Variants in PRMT8 observed in about 807,000 individuals in gnomAD.
PRMT8 encodes protein arginine N-methyltransferase 8.
In PRMT8, 7 loss-of-function variants were observed where a neutral mutation model predicts 47.1. The observed-to-expected ratio is 0.15, with a 90% CI of 0.08 to 0.28. The LOEUF (loss-of-function observed/expected upper bound fraction) is 0.28, where lower values mean the gene tolerates loss of function less well. Ranked by LOEUF, PRMT8 falls within the 10% of genes least tolerant of loss-of-function variation. The probability of loss-of-function intolerance (pLI) is 1.00; values close to 1 mark genes in which losing one functional copy is unlikely to be tolerated. For missense variants in PRMT8, 237 were observed against 505.4 expected, an observed-to-expected ratio of 0.47 and a Z score of 5.09; for synonymous variants, 188 against 186.5, an observed-to-expected ratio of 1.01 and a Z score of -0.07.
chr12:3,476,064 C>T (rs909807638), intron 1 of PRMT8, among the ~76,000 whole-genome samples: 2 of 152,188 alleles, frequency 1.3e-5, no homozygotes, highest in South Asian at 2.1e-4. Flanking sequence ...ATTTGAGTAA[C>T]AGGTCCTAAG....
chr12:3,528,993 G>A (rs945981150), intron 1 of PRMT8, among the ~76,000 whole-genome samples: 6 of 152,210 alleles, frequency 3.9e-5, no homozygotes, highest in Non-Finnish European at 5.9e-5. Context: ...CCACAGAGAA[G>A]TCCCTGTGTC....
chr12:3,469,842 G>A (rs544395225), intron 1 of PRMT8, among the ~76,000 whole-genome samples: 1 of 152,200 alleles, frequency 6.6e-6, no homozygotes, highest in Non-Finnish European at 1.5e-5. Context: ...GAGCCGCCTA[G>A]AGCAGCAGGG....
chr12:3,567,202 C>T (rs1866735270), intron 4 of PRMT8, among the ~76,000 whole-genome samples: 1 of 152,200 alleles, frequency 6.6e-6, no homozygotes, highest in South Asian at 2.1e-4. Flanking sequence ...CCTGGCACTC[C>T]ACATGTGTTA....
At position 3,492,346 on chromosome 12, in the gene PRMT8, C is replaced by T. The variant is rs1252937312; in HGVS notation, c.75+646C>T. Among the ~76,000 whole-genome samples, 4 of 152,226 alleles carry T rather than the reference C, an allele frequency of 2.6e-5. No individual in the cohort carries two copies. Among genetic ancestry groups the T allele is most frequent in the African/African-American group, 9.6e-5 (4 of 41,552 alleles). On this transcript the variant is annotated intron_variant, in intron 1 of 9. Coordinates refer to ENST00000382622, the MANE Select transcript of PRMT8 (RefSeq NM_019854.5). The surrounding 1 kb of genome is among the most constrained non-coding windows in gnomAD (Gnocchi z 7.5). ...TCAGAGCCGCCTCTGGGTAGCTAAA[C>T]CCGGCAGGGCACACGGGCCGCGGCC...
chr12:3,468,901 G>C (rs1865132920), intron 1 of PRMT8: 2 of 193,772 alleles, frequency 1.0e-5, no homozygotes. Flanking sequence ...CCTGCTCATA[G>C]AACATTAGAA....
intron 1 of PRMT8, among the ~76,000 whole-genome samples, chr12:3,431,707 C>A (rs893842073): frequency 6.6e-6 from 1 of 152,204 alleles, no homozygotes; most frequent in African/African-American, 2.4e-5. Flanking sequence ...AAGCTCCCTT[C>A]TAGAGACATT....
intron 2 of PRMT8, among the ~76,000 whole-genome samples, chr12:3,541,031 A>C (rs781364641): frequency 6.6e-6 from 1 of 152,190 alleles, no homozygotes; most frequent in African/African-American, 2.4e-5. Flanking sequence ...GAGAGAGCAC[A>C]CAAGGTGCTT....
intron 7 of PRMT8, among the ~76,000 whole-genome samples, chr12:3,577,240 G>A (rs1413788033): frequency 6.6e-6 from 1 of 152,250 alleles, no homozygotes; most frequent in Non-Finnish European, 1.5e-5. Flanking sequence ...GTGCAGAAGG[G>A]TGGGGGTGCA....
At chr12:3,588,807 G>C (rs1290030409) in intron 8 of PRMT8, among the ~76,000 whole-genome samples, 1 of 152,208 alleles carries the variant, frequency 6.6e-6, no homozygotes, top group East Asian at 1.9e-4. Context: ...GGGCCAGAAT[G>C]CTAAGAGCAG....
intron 1 of PRMT8, among the ~76,000 whole-genome samples, chr12:3,495,874 T>C (rs777121712): frequency 5.3e-5 from 8 of 152,154 alleles, no homozygotes; most frequent in Non-Finnish European, 8.8e-5. Context: ...TGGGTAAATA[T>C]TCTGGGAATC....
At chr12:3,547,627 A>G (rs1866348103) in intron 2 of PRMT8, among the ~76,000 whole-genome samples, 1 of 152,224 alleles carries the variant, frequency 6.6e-6, no homozygotes, top group Non-Finnish European at 1.5e-5. Flanking sequence ...CCAAAATACA[A>G]AAATTAGCCA....
At chr12:3,591,106 G>T (rs894986077) in intron 8 of PRMT8, among the ~76,000 whole-genome samples, 5 of 152,210 alleles carry the variant, frequency 3.3e-5, no homozygotes, top group African/African-American at 1.2e-4. Flanking sequence ...TTCAGAGACA[G>T]CTGCTGGCAA....
chr12:3,570,847 G>T lies in PRMT8; in HGVS notation c.712+1283G>T, dbSNP rs1565445588. On this transcript the variant is annotated intron_variant, in intron 6 of 9. Coordinates refer to ENST00000382622, the MANE Select transcript of PRMT8 (RefSeq NM_019854.5). This position sits in a 1 kb window ranked among gnomAD's most constrained non-coding sequence, Gnocchi z 5.5. ...TTGCTGTCTGCCTCCAGCCAATCTG[G>T]TGTGATTTCCACTATTTGACCTCCT... is the stretch of plus-strand genomic sequence containing the variant. 6.6e-6 allele frequency among the ~76,000 whole-genome samples: 1 copy of T among 152,152 alleles called. No homozygotes were observed.
intron 7 of PRMT8, among the ~76,000 whole-genome samples, chr12:3,578,784 A>C (rs1434852984): frequency 6.6e-6 from 1 of 152,142 alleles, no homozygotes; most frequent in Non-Finnish European, 1.5e-5. Flanking sequence ...CCTTGCTAGG[A>C]AGAACTGCAC....
intron 1 of PRMT8, among the ~76,000 whole-genome samples, chr12:3,513,609 C>T (rs1037821388): frequency 9.2e-5 from 14 of 152,112 alleles, no homozygotes; most frequent in African/African-American, 3.4e-4. Context: ...GCGTGCGCTC[C>T]GTGAGAGTGC....
intron 1 of PRMT8, among the ~76,000 whole-genome samples, chr12:3,485,053 G>A (rs1865309623): frequency 6.6e-6 from 1 of 152,078 alleles, no homozygotes; most frequent in Non-Finnish European, 1.5e-5. Context: ...TGTCCTTTGT[G>A]GTAGTTCTAC....
At chr12:3,507,684 T>C (rs956042410) in intron 1 of PRMT8, among the ~76,000 whole-genome samples, 1 of 152,176 alleles carries the variant, frequency 6.6e-6, no homozygotes, top group African/African-American at 2.4e-5. Context: ...ACTACTCTTA[T>C]TGAATGAGTA....
chr12:3,462,064 C>A (rs1865048411), intron 1 of PRMT8, among the ~76,000 whole-genome samples: 1 of 151,960 alleles, frequency 6.6e-6, no homozygotes, highest in South Asian at 2.1e-4. Context: ...CTCCGATAGG[C>A]CCCAGTGTGT....
At chr12:3,561,320 G>C (rs1231393885) in intron 4 of PRMT8, among the ~76,000 whole-genome samples, 1 of 152,178 alleles carries the variant, frequency 6.6e-6, no homozygotes, top group African/African-American at 2.4e-5. Context: ...ATGTCACACT[G>C]TTCCTAGCTG....
Sources: allele counts gnomAD v4.1 joint callset (sites outside exome capture counted in the v4.1 genomes callset), GRCh38; gene constraint gnomAD v4.1.1; non-coding constraint Gnocchi (gnomAD v3.1); transcripts MANE v1.5; gene names NCBI Gene and HGNC (gene_info 2026-07-23, HGNC 2026-07-21).